CRYBG1: variants seen among roughly 807,000 people sequenced by gnomAD.
CRYBG1 encodes beta/gamma crystallin domain-containing protein 1.
CRYBG1 carries 139 observed loss-of-function variants against 189.2 expected under a neutral mutation model. That is an observed-to-expected ratio of 0.73 (90% confidence interval 0.64 to 0.85). CRYBG1 has a LOEUF of 0.85. CRYBG1 is among the 40% of genes least tolerant of loss of function. The probability of loss-of-function intolerance (pLI) is 0.00; values close to 1 mark genes in which losing one functional copy is unlikely to be tolerated. For synonymous variants in CRYBG1, 1,023 were observed against 1,017.1 expected, an observed-to-expected ratio of 1.01 and a Z score of -0.11; for missense variants, 2,611 against 2,675.8, an observed-to-expected ratio of 0.98 and a Z score of 0.53.
chr6:106,470,860 G>A lies in CRYBG1; in HGVS notation c.312+19028G>A, dbSNP rs17067057. Reference sequence around the variant, plus strand: ...AGTTAGGTATCATTATCCCTGCTTTGCAAACAAGGAAAATCAAGGGTGTTG... The same window carrying A: ...AGTTAGGTATCATTATCCCTGCTTTACAAACAAGGAAAATCAAGGGTGTTG... On this transcript the variant is annotated intron_variant, in intron 2 of 21. Transcript: ENST00000633556. Among the ~76,000 whole-genome samples, 9 of 152,144 alleles carry A rather than the reference G, an allele frequency of 5.9e-5. No homozygotes were observed. In the East Asian group the frequency reaches 1.2e-3, roughly 20 times the overall value.
chr6:106,385,435 G>T (rs1339231049), intron 1 of CRYBG1, among the ~76,000 whole-genome samples: 1 of 152,206 alleles, frequency 6.6e-6, no homozygotes, highest in Non-Finnish European at 1.5e-5. Flanking sequence ...GACCTGAGCA[G>T]TGAAGCCAGA....
At chr6:106,428,010 A>G (rs751302936) in intron 1 of CRYBG1, among the ~76,000 whole-genome samples, 23 of 152,122 alleles carry the variant, frequency 1.5e-4, no homozygotes, top group Non-Finnish European at 2.9e-4. Context: ...CTGTTCAAAC[A>G]TTTTCCTCCT....
rs1266983664 is a variant in CRYBG1, at chr6:106,570,563, T to C, written c.*1997T>C. On this transcript the variant is annotated 3_prime_UTR_variant, in exon 22 of 22. Coordinates refer to ENST00000633556, the MANE Select transcript of CRYBG1 (RefSeq NM_001371242.2). ...AGGATGAAGCAGGTTTGAGGGGTGC[T>C]GGTATAATAGCAAGAAAGATTTGCT... is the stretch of plus-strand genomic sequence containing the variant. The C allele has an allele frequency of 6.6e-6, 1 of 152,184 alleles. No individual in the cohort carries two copies. The highest frequency in any genetic ancestry group is 1.5e-5 in the Non-Finnish European group (1 of 68,034). The allele number at this position is 152,184 out of a possible 1,614,324, so 9.4% of individuals were successfully genotyped here.
At chr6:106,406,000 AG>A (rs1307169094) in intron 1 of CRYBG1, among the ~76,000 whole-genome samples, 1 of 152,128 alleles carries the variant, frequency 6.6e-6, no homozygotes, top group Non-Finnish European at 1.5e-5. Flanking sequence ...TTCGCCAGCA[AG>A]GGAACAAAAC....
At chr6:106,485,529 A>G (rs1274071764) in intron 2 of CRYBG1, among the ~76,000 whole-genome samples, 1 of 152,164 alleles carries the variant, frequency 6.6e-6, no homozygotes, top group Non-Finnish European at 1.5e-5. Flanking sequence ...GACTTCCAGT[A>G]TTATGTTCAG....
At chr6:106,447,091 T>C (rs1771677270) in intron 1 of CRYBG1, among the ~76,000 whole-genome samples, 2 of 152,232 alleles carry the variant, frequency 1.3e-5, no homozygotes, top group African/African-American at 2.4e-5. Context: ...AGGAGTATAA[T>C]TAGCAAGTTA....
intron 1 of CRYBG1, among the ~76,000 whole-genome samples, chr6:106,432,337 C>T (rs1012628786): frequency 2.0e-5 from 3 of 152,158 alleles, no homozygotes; most frequent in Non-Finnish European, 4.4e-5. Context: ...GTTTGCAATA[C>T]AATAAGATTA....
intron 2 of CRYBG1, among the ~76,000 whole-genome samples, chr6:106,482,277 A>T (rs570636834): frequency 6.6e-6 from 1 of 152,348 alleles, no homozygotes; most frequent in East Asian, 1.9e-4. Context: ...TCACCTAATT[A>T]GGTCAGGCCT....
intron 1 of CRYBG1, among the ~76,000 whole-genome samples, chr6:106,367,690 A>G (rs1319835928): frequency 6.7e-6 from 1 of 149,530 alleles, no homozygotes; most frequent in Non-Finnish European, 1.5e-5. Flanking sequence ...TTAGGTCAGC[A>G]TGGTGGCTCA....
intron 4 of CRYBG1, among the ~76,000 whole-genome samples, chr6:106,523,087 A>G (rs151080724): frequency 7.3e-4 from 111 of 152,348 alleles, no homozygotes; most frequent in African/African-American, 2.6e-3. Context: ...GTCATCACAC[A>G]TCATGGAGCC....
chr6:106,540,984 T>G, intron 9 of CRYBG1: 1 of 203,844 alleles, frequency 4.9e-6, no homozygotes, highest in Admixed American at 5.4e-5. Context: ...ACTCATCCTT[T>G]GGGATGTTTT....
intron 1 of CRYBG1, among the ~76,000 whole-genome samples, chr6:106,382,018 A>T (rs928346241): frequency 1.3e-5 from 2 of 152,194 alleles, no homozygotes; most frequent in Non-Finnish European, 2.9e-5. Flanking sequence ...ACACTGAAGC[A>T]GTACACCAGG....
At chr6:106,383,042 T>C (rs560467431) in intron 1 of CRYBG1, among the ~76,000 whole-genome samples, 2 of 152,310 alleles carry the variant, frequency 1.3e-5, no homozygotes, top group East Asian at 3.9e-4. Context: ...AAGTAAGTAA[T>C]CAAGTGGGCA....
intron 1 of CRYBG1, among the ~76,000 whole-genome samples, chr6:106,416,646 AAATG>A (rs2114381089): frequency 6.6e-6 from 1 of 152,374 alleles, no homozygotes; most frequent in South Asian, 2.1e-4. Flanking sequence ...ATATTTGAAT[AAATG>A]AATGAATGTT....
intron 2 of CRYBG1, among the ~76,000 whole-genome samples, chr6:106,488,327 C>T (rs574364617): frequency 6.6e-6 from 1 of 152,250 alleles, no homozygotes; most frequent in Non-Finnish European, 1.5e-5. Flanking sequence ...TGTAGGGTCC[C>T]CTCCAGGCTT....
At position 106,361,177 on chromosome 6, in the gene CRYBG1, G is replaced by C. The variant is rs911262568; in HGVS notation, c.173+96G>C. The C allele has an allele frequency of 7.3e-6, 10 of 1,379,218 alleles. No individual in the cohort carries two copies. In the Admixed American group the frequency reaches 1.0e-4, roughly 14 times the overall value. The allele number at this position is 1,379,218 out of a possible 1,614,324, so 85.4% of individuals were successfully genotyped here. ...GGACTCCTGACCCCACTTGGAGGAG[G>C]GGAAAGCCCCGGGGTCTGTTTCAGT... On this transcript the variant is annotated intron_variant, in intron 1 of 21. Transcript: ENST00000633556.
chr6:106,498,151 C>T (rs1221698875), intron 2 of CRYBG1, among the ~76,000 whole-genome samples: 1 of 145,380 alleles, frequency 6.9e-6, no homozygotes, highest in Admixed American at 6.8e-5. Context: ...AGAGGAAAAA[C>T]TGAAAGGCCA....
At chr6:106,507,848 A>C (rs551327030) in intron 2 of CRYBG1, among the ~76,000 whole-genome samples, 12 of 152,232 alleles carry the variant, frequency 7.9e-5, no homozygotes, top group African/African-American at 2.9e-4. Flanking sequence ...TCCTGTTTGG[A>C]GATATGATCT....
At chr6:106,515,907 C>A (rs1273119936) in intron 3 of CRYBG1, among the ~76,000 whole-genome samples, 3 of 151,494 alleles carry the variant, frequency 2.0e-5, no homozygotes, top group Non-Finnish European at 4.4e-5. Flanking sequence ...GATCCTCCCA[C>A]CTCAGCCTCC....
Sources: gnomAD v4.1 joint callset for allele counts (sites outside exome capture counted in the v4.1 genomes callset) on GRCh38, gnomAD v4.1.1 for gene constraint, MANE v1.5 for transcripts, NCBI Gene and HGNC (gene_info 2026-07-23, HGNC 2026-07-21) for gene names.